TENM3: variants seen among roughly 807,000 people sequenced by gnomAD.
TENM3 encodes the protein teneurin-3.
A neutral mutation model predicts 255.1 loss-of-function variants in TENM3; 63 were observed. The ratio of observed to expected loss-of-function variants is 0.25; its 90% CI spans 0.20 to 0.30. The LOEUF (loss-of-function observed/expected upper bound fraction) is 0.30. Ranked by LOEUF, TENM3 falls within the 10% of genes least tolerant of loss-of-function variation. The pLI is 1.00. For synonymous variants in TENM3, 1,306 were observed against 1,322.3 expected, an observed-to-expected ratio of 0.99 and a Z score of 0.27; for missense variants, 2,929 against 3,461.1, an observed-to-expected ratio of 0.85 and a Z score of 3.86.
the TENM3 span, among the ~76,000 whole-genome samples, chr4:181,829,215 TAACA>T: frequency 7.2e-5 from 11 of 152,202 alleles, no homozygotes; most frequent in Non-Finnish European, 1.5e-4. Flanking sequence ...CTATCACTGT[TAACA>T]AACAGCCACA....
the TENM3 span, among the ~76,000 whole-genome samples, chr4:181,808,980 C>T: frequency 1.3e-5 from 2 of 152,078 alleles, no homozygotes; most frequent in African/African-American, 2.4e-5. Context: ...GTTTTGCAAG[C>T]GGGGGTACAA....
intron 1 of TENM3, among the ~76,000 whole-genome samples, chr4:182,251,339 G>A (rs928891873): frequency 6.6e-6 from 1 of 152,088 alleles, no homozygotes; most frequent in Admixed American, 6.5e-5. Context: ...ATTGTGGCAT[G>A]TGCCCGTAGT....
the TENM3 span, among the ~76,000 whole-genome samples, chr4:181,546,057 C>A: frequency 6.6e-6 from 1 of 152,144 alleles, no homozygotes; most frequent in Non-Finnish European, 1.5e-5. Context: ...CCACGGTTTC[C>A]CTATCTGACA....
chr4:182,588,964 C>T (rs955375738), intron 3 of TENM3, among the ~76,000 whole-genome samples: 1 of 152,126 alleles, frequency 6.6e-6, no homozygotes, highest in Admixed American at 6.5e-5. Flanking sequence ...TACTGCCACT[C>T]AAGATAAGTT....
intron 1 of TENM3, among the ~76,000 whole-genome samples, chr4:182,223,189 C>G (rs963860713): frequency 5.3e-5 from 8 of 152,122 alleles, no homozygotes; most frequent in African/African-American, 1.9e-4. Flanking sequence ...TTGGTAAAAA[C>G]AAGTTAATCA....
At chr4:182,025,765 A>G in the TENM3 span, among the ~76,000 whole-genome samples, 2 of 152,062 alleles carry the variant, frequency 1.3e-5, no homozygotes, top group Admixed American at 6.5e-5. Flanking sequence ...CTGCATTTCT[A>G]TGATGATCAA....
chr4:181,755,512 T>A, the TENM3 span, among the ~76,000 whole-genome samples: 1 of 152,118 alleles, frequency 6.6e-6, no homozygotes, highest in African/African-American at 2.4e-5. Flanking sequence ...AAAATCTGAG[T>A]ACACATACTG....
At chr4:182,663,833 C>A (rs1045180289) in intron 6 of TENM3, among the ~76,000 whole-genome samples, 1 of 152,136 alleles carries the variant, frequency 6.6e-6, no homozygotes, top group Non-Finnish European at 1.5e-5. Context: ...AGCAAGGAAT[C>A]AGCAACTAAC....
At chr4:181,642,098 A>C in the TENM3 span, among the ~76,000 whole-genome samples, 3 of 151,934 alleles carry the variant, frequency 2.0e-5, no homozygotes, top group Admixed American at 2.0e-4. Flanking sequence ...ACAGTGTAAA[A>C]GCATTCCTAT....
intron 1 of TENM3, among the ~76,000 whole-genome samples, chr4:182,292,744 G>C (rs1004776300): frequency 6.6e-6 from 1 of 152,158 alleles, no homozygotes; most frequent in Non-Finnish European, 1.5e-5. Context: ...AACTTACAGT[G>C]GGCTCAATTG....
chr4:182,110,275 T>C, the TENM3 span, among the ~76,000 whole-genome samples: 1 of 152,068 alleles, frequency 6.6e-6, no homozygotes, highest in Non-Finnish European at 1.5e-5. Flanking sequence ...AAATATTTAC[T>C]ATTTGCACTG....
the TENM3 span, among the ~76,000 whole-genome samples, chr4:181,572,877 G>A: frequency 6.6e-6 from 1 of 151,980 alleles, no homozygotes; most frequent in Non-Finnish European, 1.5e-5. Flanking sequence ...ATCATCCCCA[G>A]TCACCCCACC....
chr4:182,793,800 G>A lies in TENM3; in HGVS notation c.7128G>A (p.Gly2376=). 1.2e-6 allele frequency: 2 copies of A among 1,613,916 alleles called. No homozygotes were observed. The highest frequency in any genetic ancestry group is 2.2e-5 in the East Asian group (1 of 44,882). The change falls in exon 26 of 28, where the codon GGG becomes GGA. Residue 2376 remains glycine, a synonymous_variant. Transcript: ENST00000511685. This position sits in a 1 kb window ranked among gnomAD's most constrained non-coding sequence, Gnocchi z 5.7. The part of the protein sequence containing the change: ...TPDIEIWKRI[G]KDPAPFNLYM... ...ACATAGAAATCTGGAAAAGAATTGG[G>A]AAGGACCCAGCTCCTTTTAACTTGT...
the TENM3 span, among the ~76,000 whole-genome samples, chr4:181,656,718 A>G: frequency 4.6e-5 from 7 of 151,990 alleles, no homozygotes; most frequent in African/African-American, 1.7e-4. Context: ...GGGTGGAGCT[A>G]TGAACTGAAT....
chr4:181,782,266 G>A, the TENM3 span, among the ~76,000 whole-genome samples: 1 of 152,066 alleles, frequency 6.6e-6, no homozygotes, highest in Non-Finnish European at 1.5e-5. Context: ...TTTTTTGGTT[G>A]GTAGGCTATT....
At chr4:182,232,452 G>A (rs904671887) in intron 1 of TENM3, among the ~76,000 whole-genome samples, 17 of 152,102 alleles carry the variant, frequency 1.1e-4, no homozygotes, top group Non-Finnish European at 1.9e-4. Flanking sequence ...ACGGACAAAC[G>A]CGTTGGCTCA....
chr4:182,478,630 TAATA>T (rs1199573986), intron 3 of TENM3, among the ~76,000 whole-genome samples: 1 of 152,028 alleles, frequency 6.6e-6, no homozygotes, highest in African/African-American at 2.4e-5. Flanking sequence ...ATTTATATGT[TAATA>T]AATATACCAT....
chr4:182,732,013 C>T (rs949243371), intron 16 of TENM3, among the ~76,000 whole-genome samples: 6 of 151,966 alleles, frequency 3.9e-5, no homozygotes, highest in Non-Finnish European at 8.8e-5. Flanking sequence ...CATCTCCTGA[C>T]CTCGTGATCC....
intron 22 of TENM3, 123 bp from the exon 23 acceptor site, chr4:182,773,349 C>T: frequency 1.2e-6 from 1 of 856,336 alleles, no homozygotes; most frequent in Non-Finnish European, 1.8e-6. Context: ...CTCTGCATCG[C>T]TCATCCACGA....
Sources: gnomAD v4.1 joint callset for allele counts (sites outside exome capture counted in the v4.1 genomes callset) on GRCh38, gnomAD v4.1.1 for gene constraint, Gnocchi (gnomAD v3.1) non-coding constraint, MANE v1.5 for transcripts, NCBI Gene and HGNC (gene_info 2026-07-23, HGNC 2026-07-21) for gene names.